The following ULK4 variants were observed in gnomAD, a reference collection of about 807,000 sequenced individuals.
ULK4 encodes the protein unc-51 like kinase 4, also known as inactive serine/threonine-protein kinase ULK4.
A neutral mutation model predicts 160.6 loss-of-function variants in ULK4; 133 were observed. That is an observed-to-expected ratio of 0.83 (90% CI 0.72 to 0.96). ULK4 has a LOEUF of 0.96. Ranked by LOEUF, ULK4 falls within the 40% of genes least tolerant of loss-of-function variation. ULK4 has a pLI of 0.00. For synonymous variants in ULK4, 534 were observed against 539.8 expected, an observed-to-expected ratio of 0.99 and a Z score of 0.15; for missense variants, 1,580 against 1,499.5, an observed-to-expected ratio of 1.05 and a Z score of -0.89.
At chr3:41,846,244 A>G (rs1031879354) in intron 17 of ULK4, among the ~76,000 whole-genome samples, 3 of 152,202 alleles carry the variant, frequency 2.0e-5, no homozygotes, top group Non-Finnish European at 4.4e-5. Flanking sequence ...CTGTATTACA[A>G]ATTTAAAGAA....
At position 41,895,541 on chromosome 3, in the gene ULK4, C is replaced by CA; in HGVS notation, c.1553dup (p.Leu518PhefsTer26). On this transcript the variant is annotated frameshift_variant, in exon 16 of 37. Coordinates refer to ENST00000301831, the MANE Select transcript of ULK4 (RefSeq NM_017886.4). LOFTEE classifies it high-confidence loss of function. ...ACATATCCCAGTTTGGAGCTATCCGCAAATGCTGGATTAGCAATTGGAACT... is the reference window on the plus strand; with the variant it reads ...ACATATCCCAGTTTGGAGCTATCCGCAAAATGCTGGATTAGCAATTGGAACT... 1 of 1,509,048 alleles carries CA rather than the reference C, an allele frequency of 6.6e-7. No individual in the cohort carries two copies. Among genetic ancestry groups the CA allele is most frequent in the Non-Finnish European group, 8.9e-7 (1 of 1,129,020 alleles). 93.5% of individuals were successfully genotyped at this position (1,509,048 alleles called of 1,614,324 possible). A position where few individuals can be genotyped will look rare whatever the true frequency, so the allele number is the denominator to read the frequency against.
intron 35 of ULK4, among the ~76,000 whole-genome samples, chr3:41,393,964 T>C (rs758713157): frequency 2.0e-5 from 3 of 152,096 alleles, no homozygotes; most frequent in Admixed American, 6.6e-5. Flanking sequence ...TGAGCCTTAG[T>C]TTATAACCTA....
chr3:41,917,178 T>C (rs147441429), intron 7 of ULK4, among the ~76,000 whole-genome samples: 69 of 152,318 alleles, frequency 4.5e-4, no homozygotes, highest in Middle Eastern at 6.8e-3. Context: ...ATTAGTTATA[T>C]ACCATATCCA....
At chr3:41,774,445 T>C (rs2039525515) in intron 21 of ULK4, among the ~76,000 whole-genome samples, 2 of 150,506 alleles carry the variant, frequency 1.3e-5, no homozygotes, top group African/African-American at 2.5e-5. Flanking sequence ...AAGAAGACAT[T>C]TATGCAGCCA....
intron 21 of ULK4, among the ~76,000 whole-genome samples, chr3:41,773,109 A>C (rs1250461622): frequency 6.6e-6 from 1 of 152,220 alleles, no homozygotes; most frequent in Non-Finnish European, 1.5e-5. Context: ...CCCACAGCCA[A>C]TATCATACTG....
At chr3:41,753,152 G>A (rs1281018778) in intron 22 of ULK4, among the ~76,000 whole-genome samples, 1 of 152,120 alleles carries the variant, frequency 6.6e-6, no homozygotes, top group Non-Finnish European at 1.5e-5. Context: ...TGTGGGGATC[G>A]AGGCTCCAGT....
At chr3:41,839,552 G>A (rs1333427027) in intron 17 of ULK4, among the ~76,000 whole-genome samples, 9 of 150,400 alleles carry the variant, frequency 6.0e-5, no homozygotes, top group East Asian at 1.9e-4. Context: ...GGAATACTAC[G>A]AACAACTGTA....
In ULK4 at chr3:41,250,271, G is replaced by C. The variant is rs2272216; in HGVS notation, c.3679-697C>G. ...AGTCCATGTCCTGAAAGGCAGAGAAGAGAAGGCTTTGATTCTACTATTAGA... is the reference window on the plus strand; with the variant it reads ...AGTCCATGTCCTGAAAGGCAGAGAACAGAAGGCTTTGATTCTACTATTAGA... On this transcript the variant is annotated intron_variant, in intron 35 of 36. Transcript: ENST00000301831. 2.4e-4 allele frequency among the ~76,000 whole-genome samples: 36 copies of C among 152,316 alleles called. No homozygotes were observed. In the East Asian group the frequency reaches 6.0e-3, roughly 25 times the overall value.
At chr3:41,638,649 T>C (rs1214023905) in intron 30 of ULK4, among the ~76,000 whole-genome samples, 2 of 152,256 alleles carry the variant, frequency 1.3e-5, no homozygotes, top group South Asian at 2.1e-4. Flanking sequence ...TGGCAGCTCT[T>C]GTGCTCTTTA....
chr3:41,961,319 G>A (rs11717170), intron 1 of ULK4, among the ~76,000 whole-genome samples: 1 of 151,898 alleles, frequency 6.6e-6, no homozygotes. Flanking sequence ...AAAAGTTATC[G>A]GCCCTGCCCC....
chr3:41,875,263 T>C (rs755602295), intron 17 of ULK4, among the ~76,000 whole-genome samples: 7 of 152,126 alleles, frequency 4.6e-5, no homozygotes, highest in Admixed American at 4.6e-4. Context: ...GAATTAATAA[T>C]CTGTTGAGGC....
At chr3:41,847,766 T>A (rs1406900214) in intron 17 of ULK4, among the ~76,000 whole-genome samples, 1 of 152,206 alleles carries the variant, frequency 6.6e-6, no homozygotes, top group Non-Finnish European at 1.5e-5. Context: ...TTGTATTAAA[T>A]CTTAGATTCC....
intron 31 of ULK4, among the ~76,000 whole-genome samples, chr3:41,610,260 A>AC: frequency 6.6e-6 from 1 of 152,002 alleles, no homozygotes; most frequent in South Asian, 2.1e-4. Flanking sequence ...CAAGTGACCC[A>AC]CCTGCCTCAG....
intron 5 of ULK4, among the ~76,000 whole-genome samples, chr3:41,927,143 T>C (rs1383623890): frequency 6.6e-6 from 1 of 152,134 alleles, no homozygotes; most frequent in East Asian, 1.9e-4. Flanking sequence ...AGACTAACAG[T>C]GGATCTCTGC....
At chr3:41,316,049 C>CA (rs1286338848) in intron 35 of ULK4, among the ~76,000 whole-genome samples, 2 of 151,944 alleles carry the variant, frequency 1.3e-5, no homozygotes, top group Non-Finnish European at 2.9e-5. Context: ...TATGAACACA[C>CA]AAAAAATGAA....
At chr3:41,502,481 A>G (rs1223735583) in intron 32 of ULK4, among the ~76,000 whole-genome samples, 2 of 152,238 alleles carry the variant, frequency 1.3e-5, no homozygotes, top group Non-Finnish European at 2.9e-5. Flanking sequence ...AACGGATGTA[A>G]ATACAAAGAC....
chr3:41,745,725 T>C (rs2038397563), intron 22 of ULK4, among the ~76,000 whole-genome samples: 1 of 151,420 alleles, frequency 6.6e-6, no homozygotes, highest in Non-Finnish European at 1.5e-5. Flanking sequence ...TAACCCAGTA[T>C]CTCTCATGAA....
At chr3:41,606,488 G>T (rs922847865) in intron 31 of ULK4, among the ~76,000 whole-genome samples, 1 of 152,000 alleles carries the variant, frequency 6.6e-6, no homozygotes, top group Non-Finnish European at 1.5e-5. Flanking sequence ...ATAAATCCCA[G>T]AAGTGGGATT....
intron 34 of ULK4, among the ~76,000 whole-genome samples, chr3:41,454,941 C>T (rs2083509591): frequency 6.6e-6 from 1 of 152,176 alleles, no homozygotes; most frequent in Non-Finnish European, 1.5e-5. Flanking sequence ...AAATGATCCA[C>T]TCACCTTGGT....
Sources: gnomAD v4.1 joint callset for allele counts (sites outside exome capture counted in the v4.1 genomes callset) on GRCh38, gnomAD v4.1.1 for gene constraint, MANE v1.5 for transcripts, NCBI Gene and HGNC (gene_info 2026-07-23, HGNC 2026-07-21) for gene names.